COL25A1: variants seen among roughly 807,000 people sequenced by gnomAD.
The protein encoded by COL25A1 is collagen alpha-1(XXV) chain.
Under a neutral mutation model 128.4 loss-of-function variants are expected in COL25A1, and 103 were observed. The observed-to-expected ratio is 0.80, with a 90% CI of 0.68 to 0.94. The LOEUF is 0.94. Ranked by LOEUF, COL25A1 falls within the 40% of genes least tolerant of loss-of-function variation. The pLI, the probability that COL25A1 is intolerant of heterozygous loss-of-function variation, is 0.00. For missense variants in COL25A1, 745 were observed against 840.0 expected (o/e 0.89, Z 1.40); for synonymous variants, 279 against 277.2 (o/e 1.01, Z -0.06).
chr4:109,005,591 T>C (rs941307438), intron 6 of COL25A1, among the ~76,000 whole-genome samples: 6 of 152,140 alleles, frequency 3.9e-5, no homozygotes, highest in African/African-American at 1.4e-4. Flanking sequence ...CATAGTATAA[T>C]AGAAGTAGAC....
At chr4:109,169,653 C>G (rs192150606) in intron 3 of COL25A1, among the ~76,000 whole-genome samples, 2 of 152,162 alleles carry the variant, frequency 1.3e-5, no homozygotes, top group East Asian at 3.9e-4. Context: ...ACAAAATAGT[C>G]CAAATGAATC....
chr4:109,295,877 T>C (rs1282021812), intron 3 of COL25A1, among the ~76,000 whole-genome samples: 2 of 152,078 alleles, frequency 1.3e-5, no homozygotes, highest in Admixed American at 6.6e-5. Context: ...TTGGAATGTA[T>C]AGAGAGACCT....
chr4:108,889,356 C>T (rs887961170), intron 17 of COL25A1, 100 bp from the exon 18 acceptor site: 1 of 1,037,404 alleles, frequency 9.6e-7, no homozygotes. Context: ...TAGCCCCCTT[C>T]TTCAACCACA....
intron 13 of COL25A1, among the ~76,000 whole-genome samples, chr4:108,916,943 C>T (rs1744948861): frequency 6.6e-6 from 1 of 152,054 alleles, no homozygotes; most frequent in Non-Finnish European, 1.5e-5. Flanking sequence ...GAACACAGAG[C>T]CTCTTAAAAA....
intron 35 of COL25A1, 193 bp downstream of exon 35, chr4:108,823,981 G>C: frequency 2.6e-6 from 4 of 1,524,514 alleles, no homozygotes; most frequent in Non-Finnish European, 3.5e-6. Flanking sequence ...ATGCCAGGCA[G>C]TGCCCTTATA....
At chr4:108,859,993 A>G (rs1437201091) in intron 23 of COL25A1, among the ~76,000 whole-genome samples, 2 of 152,146 alleles carry the variant, frequency 1.3e-5, no homozygotes, top group Non-Finnish European at 1.5e-5. Flanking sequence ...TTTTGAAACT[A>G]TTTTCTGAAA....
intron 5 of COL25A1, among the ~76,000 whole-genome samples, chr4:109,042,513 TA>T (rs1389059286): frequency 6.6e-6 from 1 of 152,030 alleles, no homozygotes; most frequent in Non-Finnish European, 1.5e-5. Flanking sequence ...GTGACTGTTA[TA>T]ATGACTGAAT....
chr4:108,865,616 G>A (rs986191145), intron 20 of COL25A1, among the ~76,000 whole-genome samples: 3 of 152,142 alleles, frequency 2.0e-5, no homozygotes, highest in African/African-American at 7.2e-5. Context: ...TTAAAAAACT[G>A]TAAAGTATTT....
At chr4:109,183,576 G>A (rs1423918308) in intron 3 of COL25A1, among the ~76,000 whole-genome samples, 1 of 152,084 alleles carries the variant, frequency 6.6e-6, no homozygotes, top group Admixed American at 6.6e-5. Context: ...TGTAGCAAGT[G>A]CAGTATTTTA....
chr4:109,200,497 G>A (rs561826648), intron 3 of COL25A1, among the ~76,000 whole-genome samples: 8 of 151,928 alleles, frequency 5.3e-5, no homozygotes, highest in Admixed American at 2.0e-4. Flanking sequence ...TCTCTCGGTC[G>A]CCCAGGCTGG....
chr4:108,985,650 T>G (rs1448121785), intron 6 of COL25A1, among the ~76,000 whole-genome samples: 7 of 152,210 alleles, frequency 4.6e-5, no homozygotes, highest in Admixed American at 2.0e-4. Context: ...AGGAGTTATC[T>G]CTGGTGAAAC....
intron 8 of COL25A1, among the ~76,000 whole-genome samples, chr4:108,969,983 C>A (rs976903144): frequency 6.6e-6 from 1 of 152,140 alleles, no homozygotes; most frequent in Non-Finnish European, 1.5e-5. Context: ...CTCACTGCAA[C>A]CTCCACCTAC....
intron 3 of COL25A1, among the ~76,000 whole-genome samples, chr4:109,138,029 C>G (rs1769977516): frequency 9.2e-6 from 1 of 108,930 alleles, no homozygotes; most frequent in Non-Finnish European, 2.2e-5. Context: ...GATACATGTG[C>G]AGAACATGCA....
intron 24 of COL25A1, among the ~76,000 whole-genome samples, chr4:108,857,917 T>C (rs1435664698): frequency 6.6e-6 from 1 of 152,074 alleles, no homozygotes; most frequent in East Asian, 1.9e-4. Context: ...TTTTAAATAG[T>C]AAACCACTAG....
At chr4:108,950,858 G>T (rs1437841270) in intron 8 of COL25A1, among the ~76,000 whole-genome samples, 17 of 152,210 alleles carry the variant, frequency 1.1e-4, no homozygotes, top group Admixed American at 1.1e-3. Flanking sequence ...ATTGTCATAT[G>T]AATGTCAATC....
At chr4:109,003,151 A>C (rs1755619680) in intron 6 of COL25A1, among the ~76,000 whole-genome samples, 1 of 152,246 alleles carries the variant, frequency 6.6e-6, no homozygotes, top group Non-Finnish European at 1.5e-5. Flanking sequence ...TGCATAGCAA[A>C]AGAAACTATC....
intron 3 of COL25A1, among the ~76,000 whole-genome samples, chr4:109,087,228 G>C (rs1764479144): frequency 6.6e-6 from 1 of 151,278 alleles, no homozygotes; most frequent in Admixed American, 6.6e-5. Flanking sequence ...TGGCATTACT[G>C]TTTCTTTTAG....
At chr4:108,856,046 A>C (rs1377391291) in intron 24 of COL25A1, among the ~76,000 whole-genome samples, 2 of 152,200 alleles carry the variant, frequency 1.3e-5, no homozygotes, top group Non-Finnish European at 2.9e-5. Flanking sequence ...TGAACTACAG[A>C]AACTGCAAAT....
chr4:108,846,032 C>A (rs1735048716), intron 28 of COL25A1, 107 bp downstream of exon 28: 1 of 702,520 alleles, frequency 1.4e-6, no homozygotes, highest in South Asian at 2.0e-5. Flanking sequence ...TGAGATGAAC[C>A]ACTAGATGAG....
Sources: gnomAD v4.1 joint callset for allele counts (sites outside exome capture counted in the v4.1 genomes callset) on GRCh38, gnomAD v4.1.1 for gene constraint, MANE v1.5 for transcripts, NCBI Gene and HGNC (gene_info 2026-07-23, HGNC 2026-07-21) for gene names.